FHOD3: variants seen among roughly 807,000 people sequenced by gnomAD.
FHOD3 encodes the protein formin homology 2 domain containing 3.
FHOD3 carries 90 observed loss-of-function variants against 173.0 expected under a neutral mutation model. The observed-to-expected ratio is 0.52, with a 90% CI of 0.44 to 0.62. FHOD3 has a LOEUF of 0.62. Among genes scored for constraint, FHOD3 ranks in the 20% least tolerant of loss-of-function variants. The pLI, the probability that FHOD3 is intolerant of heterozygous loss-of-function variation, is 0.00. For synonymous variants in FHOD3, 828 were observed against 823.0 expected (o/e 1.01, Z -0.10); for missense variants, 1,945 against 2,034.7 (o/e 0.96, Z 0.85).
chr18:36,392,226 G>T (rs1184761950), intron 3 of FHOD3, among the ~76,000 whole-genome samples: 1 of 152,158 alleles, frequency 6.6e-6, no homozygotes, highest in Non-Finnish European at 1.5e-5. Context: ...CAGGTGCCCA[G>T]AACCCCCACC....
chr18:36,766,586 G>A (rs767195322), intron 27 of FHOD3, among the ~76,000 whole-genome samples: 5 of 152,176 alleles, frequency 3.3e-5, no homozygotes, highest in Non-Finnish European at 7.3e-5. Flanking sequence ...AGGAAGAATG[G>A]AAATAAATGG....
intron 9 of FHOD3, among the ~76,000 whole-genome samples, chr18:36,613,869 C>T (rs1348419841): frequency 6.6e-6 from 1 of 152,070 alleles, no homozygotes; most frequent in Non-Finnish European, 1.5e-5. Flanking sequence ...GACAGGGTTT[C>T]ACCATATGGG....
At chr18:36,667,916 G>A (rs1466972718) in intron 14 of FHOD3, among the ~76,000 whole-genome samples, 1 of 152,176 alleles carries the variant, frequency 6.6e-6, no homozygotes, top group Non-Finnish European at 1.5e-5. Flanking sequence ...GAAATGTTAA[G>A]TAGTGCATGG....
chr18:36,674,599 GTTC>G (rs916865205), intron 14 of FHOD3, among the ~76,000 whole-genome samples: 15 of 152,070 alleles, frequency 9.9e-5, no homozygotes, highest in African/African-American at 3.6e-4. Flanking sequence ...TCCCTTTGTG[GTTC>G]TTCTTGCATT....
At chr18:36,360,516 T>A (rs1204426475) in intron 2 of FHOD3, among the ~76,000 whole-genome samples, 1 of 152,190 alleles carries the variant, frequency 6.6e-6, no homozygotes, top group Non-Finnish European at 1.5e-5. Flanking sequence ...TTAGAAATCA[T>A]GGCTGGATGT....
intron 1 of FHOD3, among the ~76,000 whole-genome samples, chr18:36,331,501 A>C (rs998728704): frequency 6.6e-6 from 1 of 152,232 alleles, no homozygotes; most frequent in Non-Finnish European, 1.5e-5. Context: ...GCCAGTCAGG[A>C]GTGAGAAACC....
At chr18:36,367,593 C>T (rs1234987625) in intron 2 of FHOD3, among the ~76,000 whole-genome samples, 1 of 152,158 alleles carries the variant, frequency 6.6e-6, no homozygotes, top group Non-Finnish European at 1.5e-5. Context: ...AAAAGGATGG[C>T]TAAGGTGCTT....
At position 36,776,348 on chromosome 18, in the gene FHOD3, T is replaced by C. The variant is rs73947008; in HGVS notation, c.4787-3100T>C. Among the ~76,000 whole-genome samples, 934 of 152,272 alleles carry C rather than the reference T, an allele frequency of 6.1e-3. 11 individuals are homozygous for C. Among genetic ancestry groups the C allele is most frequent in the African/African-American group, 0.021 (866 of 41,548 alleles). ...AGGCTCAGGGTGTACATGTACATGA[T>C]GTTTGATGAATGGCAAAGAAACTGA... On this transcript the variant is annotated intron_variant, in intron 28 of 28. Transcript: ENST00000590592.
At chr18:36,342,754 A>C (rs2045686324) in intron 1 of FHOD3, among the ~76,000 whole-genome samples, 1 of 152,264 alleles carries the variant, frequency 6.6e-6, no homozygotes, top group Non-Finnish European at 1.5e-5. Context: ...CAATGGGAGA[A>C]GATTTTTGCA....
Position 36,406,584 on chromosome 18 carries a change from C to T in FHOD3, c.337+33840C>T, listed in dbSNP as rs143919105. Among the ~76,000 whole-genome samples the T allele has an allele frequency of 1.2e-3, 177 of 152,172 alleles. 1 individual carries two copies. Among genetic ancestry groups the T allele is most frequent in the African/African-American group, 3.9e-3 (160 of 41,494 alleles). On this transcript the variant is annotated intron_variant, in intron 3 of 28. Coordinates refer to ENST00000590592, the MANE Select transcript of FHOD3 (RefSeq NM_001281740.3). ...TAGCAAACTCTTTTTGAAAATCTGC[C>T]CCCCGCCCTGAGCCTATCAGTCATA...
At chr18:36,615,569 T>A (rs1404480519) in intron 9 of FHOD3, among the ~76,000 whole-genome samples, 1 of 152,188 alleles carries the variant, frequency 6.6e-6, no homozygotes, top group Non-Finnish European at 1.5e-5. Flanking sequence ...TTGGAAACAT[T>A]TTCCCTTGTC....
chr18:36,740,256 G>A (rs1390160797), intron 20 of FHOD3, among the ~76,000 whole-genome samples: 1 of 152,178 alleles, frequency 6.6e-6, no homozygotes, highest in South Asian at 2.1e-4. Flanking sequence ...CAGTTAAAAT[G>A]ATTATATGTC....
chr18:36,491,001 C>A (rs893075245), intron 3 of FHOD3, among the ~76,000 whole-genome samples: 1 of 152,192 alleles, frequency 6.6e-6, no homozygotes, highest in Non-Finnish European at 1.5e-5. Flanking sequence ...GCATGAACAC[C>A]AGGCACCTAC....
intron 9 of FHOD3, among the ~76,000 whole-genome samples, chr18:36,614,017 A>G (rs917318689): frequency 2.6e-5 from 4 of 152,060 alleles, no homozygotes; most frequent in African/African-American, 9.7e-5. Flanking sequence ...CATCCTTCAC[A>G]TTCCACAAAA....
chr18:36,423,389 C>T (rs2050086644), intron 3 of FHOD3, among the ~76,000 whole-genome samples: 1 of 151,996 alleles, frequency 6.6e-6, no homozygotes, highest in Non-Finnish European at 1.5e-5. Flanking sequence ...GTACATAGAA[C>T]AGCTGATGTC....
chr18:36,410,504 T>C (rs769003598), intron 3 of FHOD3, among the ~76,000 whole-genome samples: 3 of 152,218 alleles, frequency 2.0e-5, no homozygotes, highest in African/African-American at 7.2e-5. Context: ...TGCCTAGGCA[T>C]GTACCTAGAA....
chr18:36,519,156 G>A (rs1157626099), intron 5 of FHOD3, among the ~76,000 whole-genome samples: 2 of 152,186 alleles, frequency 1.3e-5, no homozygotes, highest in South Asian at 2.1e-4. Context: ...GCTGAGACCT[G>A]CACTTGTGTC....
intron 14 of FHOD3, among the ~76,000 whole-genome samples, chr18:36,668,475 G>A (rs1300289008): frequency 6.6e-6 from 1 of 151,524 alleles, no homozygotes; most frequent in African/African-American, 2.4e-5. Flanking sequence ...CCAGTTTTTG[G>A]TTTCATTTAA....
At chr18:36,572,911 G>A (rs2058503530) in intron 5 of FHOD3, among the ~76,000 whole-genome samples, 1 of 152,176 alleles carries the variant, frequency 6.6e-6, no homozygotes, top group South Asian at 2.1e-4. Context: ...ATGGGAAAAG[G>A]ACAGTGGAGC....
Sources: allele counts gnomAD v4.1 joint callset (sites outside exome capture counted in the v4.1 genomes callset), GRCh38; gene constraint gnomAD v4.1.1; transcripts MANE v1.5; gene names NCBI Gene and HGNC (gene_info 2026-07-23, HGNC 2026-07-21).